Variants in IGF1R observed in about 807,000 individuals in gnomAD.
IGF1R encodes the protein insulin like growth factor 1 receptor.
Under a neutral mutation model 144.6 loss-of-function variants are expected in IGF1R, and 44 were observed. The observed-to-expected ratio is 0.30, with a 90% confidence interval of 0.24 to 0.39. IGF1R has a LOEUF of 0.39. Among genes scored for constraint, IGF1R ranks in the 10% least tolerant of loss-of-function variants. The probability of loss-of-function intolerance (pLI) is 1.00; values close to 1 mark genes in which losing one functional copy is unlikely to be tolerated. For synonymous variants in IGF1R, 795 were observed against 722.8 expected (o/e 1.10, Z -1.60); for missense variants, 1,355 against 1,833.7 (o/e 0.74, Z 4.77).
At chr15:98,876,139 C>A (rs1032757901) in intron 2 of IGF1R, among the ~76,000 whole-genome samples, 1 of 152,062 alleles carries the variant, frequency 6.6e-6, no homozygotes, top group Non-Finnish European at 1.5e-5. Flanking sequence ...AGAATTTACT[C>A]CCAGATGTTT....
At chr15:98,671,353 A>C (rs1005931078) in intron 1 of IGF1R, among the ~76,000 whole-genome samples, 1 of 152,200 alleles carries the variant, frequency 6.6e-6, no homozygotes, top group Non-Finnish European at 1.5e-5. Flanking sequence ...TTGGGAAAGA[A>C]TGAGAAAGCT....
intron 2 of IGF1R, among the ~76,000 whole-genome samples, chr15:98,790,561 G>T (rs369518125): frequency 6.6e-6 from 1 of 152,090 alleles, no homozygotes. Context: ...GCCTCTGGGC[G>T]TGTTGTTTTT....
chr15:98,702,896 T>C (rs970057867), intron 1 of IGF1R, among the ~76,000 whole-genome samples: 34 of 152,170 alleles, frequency 2.2e-4, no homozygotes, highest in Admixed American at 4.6e-4. Flanking sequence ...ACGATTGTGC[T>C]GCAGCACTCT....
At chr15:98,753,229 C>T (rs550493895) in intron 2 of IGF1R, among the ~76,000 whole-genome samples, 1 of 99,618 alleles carries the variant, frequency 1.0e-5, no homozygotes, top group Non-Finnish European at 2.4e-5. Flanking sequence ...TTACGTCCAG[C>T]CTTTTTTTTT....
At chr15:98,797,403 C>T (rs190058179) in intron 2 of IGF1R, among the ~76,000 whole-genome samples, 1 of 152,240 alleles carries the variant, frequency 6.6e-6, no homozygotes, top group South Asian at 2.1e-4. Flanking sequence ...GGACCGTTAC[C>T]TGTGCATAGA....
chr15:98,957,232 G>C lies in IGF1R; in HGVS notation c.3894G>C (p.Glu1298Asp). Residue 1298 changes from glutamate to aspartate, a missense_variant, in exon 21 of 21, where the codon GAG becomes GAC. Around this residue, in one of 7 missense-constraint regions of IGF1R, gnomAD observed 219 missense variants for 188.8 expected, o/e 1.16. Transcript: ENST00000650285. The stretch of plus-strand genomic sequence containing the variant: ...CGGAGGAGCTGGACCTGGAGCCAGA[G>C]AACATGGAGAGCGTCCCCCTGGACC... Reference protein sequence around the residue: ...PEPEELDLEPENMESVPLDPS... With the variant: ...PEPEELDLEPDNMESVPLDPS... The C allele has an allele frequency of 6.2e-7, 1 of 1,614,240 alleles. No individual in the cohort carries two copies. The highest frequency in any genetic ancestry group is 8.5e-7 in the Non-Finnish European group (1 of 1,180,056).
At chr15:98,834,424 G>A (rs765628771) in intron 2 of IGF1R, among the ~76,000 whole-genome samples, 1 of 152,216 alleles carries the variant, frequency 6.6e-6, no homozygotes, top group African/African-American at 2.4e-5. Flanking sequence ...TTTCCGTCAC[G>A]TGAGTTATCT....
chr15:98,697,403 C>G (rs1471004147), intron 1 of IGF1R, among the ~76,000 whole-genome samples: 2 of 152,196 alleles, frequency 1.3e-5, no homozygotes, highest in African/African-American at 4.8e-5. Context: ...CTGCTTGTGG[C>G]TGTGTGCCCA....
chr15:98,764,905 A>G (rs1360857624), intron 2 of IGF1R, among the ~76,000 whole-genome samples: 1 of 152,226 alleles, frequency 6.6e-6, no homozygotes, highest in Non-Finnish European at 1.5e-5. Flanking sequence ...ATCTCTATCT[A>G]GTTCCAAAAT....
In IGF1R at chr15:98,866,381, C is replaced by T. The variant is rs540891157; in HGVS notation, c.641-24944C>T. Among the ~76,000 whole-genome samples, 6 of 152,304 alleles carry T rather than the reference C, an allele frequency of 3.9e-5. No homozygotes were observed. The South Asian group carries it at 1.2e-3, about 32-fold the overall frequency. ...TTCTCTTCGGTTTATTTTCTCATCA[C>T]CTTTATTAAAATGCAGTAAAGCAAG... On this transcript the variant is annotated intron_variant, in intron 2 of 20. Coordinates refer to ENST00000650285, the MANE Select transcript of IGF1R (RefSeq NM_000875.5).
chr15:98,699,175 A>G (rs760054206), intron 1 of IGF1R, among the ~76,000 whole-genome samples: 13 of 152,356 alleles, frequency 8.5e-5, no homozygotes, highest in Non-Finnish European at 1.8e-4. Context: ...GCTGTACCTC[A>G]CAGCACCATC....
intron 10 of IGF1R, among the ~76,000 whole-genome samples, chr15:98,918,184 T>C (rs1251397891): frequency 2.0e-5 from 3 of 152,168 alleles, no homozygotes. Context: ...ACCTCATGCC[T>C]GAAAACTAGG....
At chr15:98,809,747 C>CT (rs2056544788) in intron 2 of IGF1R, among the ~76,000 whole-genome samples, 1 of 152,196 alleles carries the variant, frequency 6.6e-6, no homozygotes, top group South Asian at 2.1e-4. Flanking sequence ...CCAGGAGTGT[C>CT]TTTTCAGCCC....
intron 2 of IGF1R, among the ~76,000 whole-genome samples, chr15:98,770,339 AAG>A (rs1285389925): frequency 6.6e-6 from 1 of 152,228 alleles, no homozygotes; most frequent in African/African-American, 2.4e-5. Context: ...GAGACTGGGA[AAG>A]GGGGCGATGA....
chr15:98,719,410 A>T (rs1162955187), intron 2 of IGF1R, among the ~76,000 whole-genome samples: 2 of 152,108 alleles, frequency 1.3e-5, no homozygotes, highest in Non-Finnish European at 2.9e-5. Flanking sequence ...AGAATGTATA[A>T]TTTTCTCAGA....
chr15:98,817,764 G>A (rs73479753), intron 2 of IGF1R, among the ~76,000 whole-genome samples: 5,324 of 152,248 alleles, frequency 0.035, 312 homozygotes, highest in African/African-American at 0.12. Flanking sequence ...CATTTCTGAA[G>A]TTGAATAGTC....
chr15:98,914,635 A>G (rs2015163296), intron 8 of IGF1R, among the ~76,000 whole-genome samples: 1 of 152,138 alleles, frequency 6.6e-6, no homozygotes, highest in Admixed American at 6.5e-5. Context: ...CTGGCCAGCA[A>G]TTCACTGTAG....
intron 2 of IGF1R, among the ~76,000 whole-genome samples, chr15:98,787,133 G>A (rs2056017488): frequency 6.6e-6 from 1 of 152,154 alleles, no homozygotes; most frequent in Non-Finnish European, 1.5e-5. Flanking sequence ...GTTGAGTAGA[G>A]CTTCTCTTTC....
At chr15:98,691,792 G>A (rs567475874) in intron 1 of IGF1R, among the ~76,000 whole-genome samples, 13 of 152,318 alleles carry the variant, frequency 8.5e-5, no homozygotes, top group African/African-American at 2.9e-4. Flanking sequence ...CCACCTGGAT[G>A]AGGCAGTGTA....
Sources: gnomAD v4.1 joint callset for allele counts (sites outside exome capture counted in the v4.1 genomes callset) on GRCh38, gnomAD v4.1.1 for gene constraint, gnomAD v4.1.1 regional missense constraint, MANE v1.5 for transcripts, NCBI Gene and HGNC (gene_info 2026-07-23, HGNC 2026-07-21) for gene names.